ANKRD20A1: variants seen among roughly 807,000 people sequenced by gnomAD.
ANKRD20A1 encodes ankyrin repeat domain-containing protein 20A1.
A neutral mutation model predicts 50.9 loss-of-function variants in ANKRD20A1; 2 were observed. The observed-to-expected ratio is 0.04, with a 90% CI of 0.02 to 0.12. The LOEUF (loss-of-function observed/expected upper bound fraction) is 0.12. ANKRD20A1 is among the 10% of genes least tolerant of loss of function. The probability of loss-of-function intolerance (pLI) is 1.00; values close to 1 mark genes in which losing one functional copy is unlikely to be tolerated. For synonymous variants in ANKRD20A1, 10 were observed against 186.2 expected, an observed-to-expected ratio of 0.05 and a Z score of 7.70; for missense variants, 31 against 548.1, an observed-to-expected ratio of 0.06 and a Z score of 9.42.
At chr9:67,882,425 G>A (rs1462858076) in intron 8 of ANKRD20A1, among the ~76,000 whole-genome samples, 1 of 138,270 alleles carries the variant, frequency 7.2e-6, no homozygotes. Context: ...ATTTAAGGGT[G>A]TATAAGTTTT....
intron 8 of ANKRD20A1, among the ~76,000 whole-genome samples, chr9:67,882,225 G>A (rs1238011661): frequency 6.6e-6 from 1 of 151,146 alleles, no homozygotes; most frequent in Non-Finnish European, 1.5e-5. Context: ...GGGCTCAAGT[G>A]TTCTGCCTGC....
In ANKRD20A1 at chr9:67,861,186, T is replaced by A. The variant is rs1244800077; in HGVS notation, c.203+1557T>A. Among the ~76,000 whole-genome samples, 6 of 48,334 alleles carry A rather than the reference T, an allele frequency of 1.2e-4. 2 individuals are homozygous for A. The highest frequency in any genetic ancestry group is 2.5e-4 in the Non-Finnish European group (6 of 24,106). 31.7% of individuals were successfully genotyped at this position (48,334 alleles called of 152,430 possible). The stretch of plus-strand genomic sequence containing the variant: ...ATCTTGCGCTGATGAAAATAATTTC[T>A]CACTTTCTATTCTTTATCATTATTG... On this transcript the variant is annotated intron_variant, in intron 1 of 14. Coordinates refer to ENST00000562196, the MANE Select transcript of ANKRD20A1 (RefSeq NM_032250.5).
rs1390022626 is a variant in ANKRD20A1 at position 67,861,274 on chromosome 9, C to T, written c.203+1645C>T. On this transcript the variant is annotated intron_variant, in intron 1 of 14. Coordinates refer to ENST00000562196, the MANE Select transcript of ANKRD20A1 (RefSeq NM_032250.5). ...AGAAGTAAAAAGGGAATGTTTTTAT[C>T]TGTTTCAGATTTTATTATCTATATA... Among the ~76,000 whole-genome samples the T allele has an allele frequency of 2.0e-4, 10 of 48,996 alleles. 4 individuals carry two copies. Among genetic ancestry groups the T allele is most frequent in the Non-Finnish European group, 4.1e-4 (10 of 24,288 alleles). 32.1% of individuals were successfully genotyped at this position (48,996 alleles called of 152,430 possible). A position where few individuals can be genotyped will look rare whatever the true frequency, so the allele number is the denominator to read the frequency against.
At chr9:67,880,917 A>G (rs1415935441) in intron 8 of ANKRD20A1, among the ~76,000 whole-genome samples, 1 of 98,038 alleles carries the variant, frequency 1.0e-5, no homozygotes, top group Non-Finnish European at 2.2e-5. Context: ...CTTAATATTT[A>G]TGCCTGTATA....
Position 67,859,236 on chromosome 9 carries a change from G to A in ANKRD20A1, c.-191G>A. 2.2e-6 allele frequency: 1 copy of A among 461,600 alleles called. No individual in the cohort carries two copies. The highest frequency in any genetic ancestry group is 4.0e-5 in the South Asian group (1 of 24,882). 28.6% of individuals were successfully genotyped at this position (461,600 alleles called of 1,614,324 possible). On this transcript the variant is annotated 5_prime_UTR_variant, in exon 1 of 15. Coordinates refer to ENST00000562196, the MANE Select transcript of ANKRD20A1 (RefSeq NM_032250.5). ...GCTGCTGAAGGCTGTGGTGGACCGG[G>A]CTGGATCGCGGATTGTGGAGTAGAC...
chr9:67,868,010 C>CATT (rs888809871), intron 4 of ANKRD20A1, among the ~76,000 whole-genome samples: 13 of 127,846 alleles, frequency 1.0e-4, no homozygotes, highest in African/African-American at 3.6e-4. Context: ...CTAGCATTGT[C>CATT]ATTATTATTA....
chr9:67,885,351 C>T (rs1317771918), intron 9 of ANKRD20A1, among the ~76,000 whole-genome samples: 3 of 152,286 alleles, frequency 2.0e-5, no homozygotes. Flanking sequence ...CCTTCTCTTG[C>T]TGTCATCCTC....
intron 8 of ANKRD20A1, among the ~76,000 whole-genome samples, chr9:67,881,609 A>C (rs1380100619): frequency 2.6e-5 from 4 of 151,594 alleles, no homozygotes; most frequent in Middle Eastern, 3.4e-3. Context: ...TCTAAAAAAA[A>C]CCAAAACCAA....
intron 3 of ANKRD20A1, among the ~76,000 whole-genome samples, chr9:67,865,644 C>T (rs201585766): frequency 0.22 from 27,877 of 129,310 alleles, 332 homozygotes; most frequent in African/African-American, 0.33. Context: ...CAGGCATATC[C>T]TAAAAAATCA....
Position 67,867,292 on chromosome 9 carries a change from CT to C in ANKRD20A1, c.512del (p.Leu171TyrfsTer4). 6.7e-7 allele frequency: 1 copy of C among 1,492,602 alleles called. No individual in the cohort carries two copies. The highest frequency in any genetic ancestry group is 1.3e-5 in the South Asian group (1 of 78,378). The allele number at this position is 1,492,602 out of a possible 1,614,324, so 92.5% of individuals were successfully genotyped here. On this transcript the variant is annotated frameshift_variant, in exon 4 of 15. Coordinates refer to ENST00000562196, the MANE Select transcript of ANKRD20A1 (RefSeq NM_032250.5). LOFTEE classifies it high-confidence loss of function. ...EALDKDNNTP[L>X]LFAIICKKEK... ...TGTTTTATAGGACAATAATACCCCA[CT>C]TTTATTTGCTATAATTTGCAAGAAA...
chr9:67,865,103 T>C (rs1827538825), intron 3 of ANKRD20A1, among the ~76,000 whole-genome samples: 1 of 151,850 alleles, frequency 6.6e-6, no homozygotes, highest in East Asian at 2.0e-4. Flanking sequence ...TTTGGCTTTC[T>C]CAATTAGAAT....
At chr9:67,865,955 T>C (rs1827560131) in intron 3 of ANKRD20A1, among the ~76,000 whole-genome samples, 1 of 150,662 alleles carries the variant, frequency 6.6e-6, no homozygotes, top group Admixed American at 6.7e-5. Flanking sequence ...TTAACTCTTT[T>C]CTTTATATAT....
At chr9:67,865,961 T>C (rs1385389240) in intron 3 of ANKRD20A1, among the ~76,000 whole-genome samples, 5 of 150,584 alleles carry the variant, frequency 3.3e-5, no homozygotes, top group African/African-American at 4.8e-5. Flanking sequence ...CTTTTCTTTA[T>C]ATATACCACA....
chr9:67,881,327 A>T (rs1390061540), intron 8 of ANKRD20A1, among the ~76,000 whole-genome samples: 9 of 146,048 alleles, frequency 6.2e-5, no homozygotes, highest in African/African-American at 2.2e-4. Context: ...GTGGTTTATG[A>T]GTTGTCCATG....
intron 14 of ANKRD20A1, among the ~76,000 whole-genome samples, chr9:67,900,144 AT>A (rs1243326314): frequency 1.8e-4 from 1 of 5,496 alleles, no homozygotes; most frequent in Non-Finnish European, 5.1e-4. Context: ...TGTAAATGCA[AT>A]TTTTTGATAT....
chr9:67,894,656 G>C (rs1348484813), intron 12 of ANKRD20A1, among the ~76,000 whole-genome samples: 2 of 89,156 alleles, frequency 2.2e-5, no homozygotes, highest in African/African-American at 6.7e-5. Flanking sequence ...TTATTTTCTA[G>C]TATTGTTGTT....
At chr9:67,885,334 A>G (rs1312584888) in intron 9 of ANKRD20A1, among the ~76,000 whole-genome samples, 1 of 152,296 alleles carries the variant, frequency 6.6e-6, no homozygotes, top group African/African-American at 2.4e-5. Flanking sequence ...AATTACAGTA[A>G]CATTTTCCTT....
chr9:67,877,916 A>G lies in ANKRD20A1; in HGVS notation c.824+126A>G. The G allele has an allele frequency of 4.7e-6, 4 of 845,244 alleles. No individual in the cohort carries two copies. In the South Asian group the frequency reaches 5.1e-5, roughly 11 times the overall value. 52.4% of individuals were successfully genotyped at this position (845,244 alleles called of 1,614,324 possible). ...ATGTTCTATGCATTTATCATCTCAT[A>G]AAGCCATCACAACATCTGTGTTCCT... On this transcript the variant is annotated intron_variant, in intron 7 of 14. Coordinates refer to ENST00000562196, the MANE Select transcript of ANKRD20A1 (RefSeq NM_032250.5).
chr9:67,882,033 G>A (rs1289615237), intron 8 of ANKRD20A1, among the ~76,000 whole-genome samples: 10 of 142,462 alleles, frequency 7.0e-5, no homozygotes, highest in Non-Finnish European at 4.6e-5. Context: ...AGGCTGGAGG[G>A]CACTGGTGAG....
Sources: gnomAD v4.1 joint callset for allele counts (sites outside exome capture counted in the v4.1 genomes callset) on GRCh38, gnomAD v4.1.1 for gene constraint, MANE v1.5 for transcripts, NCBI Gene and HGNC (gene_info 2026-07-23, HGNC 2026-07-21) for gene names.